The following PCDH9 variants were observed in gnomAD, a reference collection of about 807,000 sequenced individuals.
PCDH9 encodes protocadherin 9, also known as protocadherin-9.
PCDH9 carries 24 observed loss-of-function variants against 70.6 expected under a neutral mutation model. The ratio of observed to expected loss-of-function variants is 0.34; its 90% confidence interval spans 0.25 to 0.48. The LOEUF (loss-of-function observed/expected upper bound fraction) is 0.48, where lower values mean the gene tolerates loss of function less well. Among genes scored for constraint, PCDH9 ranks in the 20% least tolerant of loss-of-function variants. PCDH9 has a pLI of 0.99. For synonymous variants in PCDH9, 562 were observed against 558.5 expected, an observed-to-expected ratio of 1.01 and a Z score of -0.09; for missense variants, 1,281 against 1,503.6, an observed-to-expected ratio of 0.85 and a Z score of 2.45.
chr13:66,650,918 T>C (rs1404793961), intron 3 of PCDH9, among the ~76,000 whole-genome samples: 1 of 151,904 alleles, frequency 6.6e-6, no homozygotes, highest in Non-Finnish European at 1.5e-5. Context: ...AATTAAATAA[T>C]ACATGCCTGA....
chr13:66,643,209 A>G (rs1227424320), intron 3 of PCDH9, among the ~76,000 whole-genome samples: 2 of 152,106 alleles, frequency 1.3e-5, no homozygotes, highest in East Asian at 1.9e-4. Context: ...ATATGTTTTA[A>G]GCCTCTCTTG....
At chr13:67,040,529 C>T (rs1241666265) in intron 2 of PCDH9, among the ~76,000 whole-genome samples, 1 of 152,102 alleles carries the variant, frequency 6.6e-6, no homozygotes, top group Non-Finnish European at 1.5e-5. Context: ...TAATCTAAAA[C>T]CTGCAAGAGG....
At chr13:66,806,017 A>T (rs563823140) in intron 3 of PCDH9, among the ~76,000 whole-genome samples, 2 of 148,520 alleles carry the variant, frequency 1.3e-5, no homozygotes, top group African/African-American at 5.3e-5. Flanking sequence ...CATGACTTTT[A>T]TGCACACAAA....
chr13:66,954,405 G>T (rs755509937), intron 2 of PCDH9, among the ~76,000 whole-genome samples: 16 of 151,476 alleles, frequency 1.1e-4, no homozygotes, highest in Non-Finnish European at 2.2e-4. Flanking sequence ...AGTGATTTCA[G>T]ATTTAACCTG....
intron 4 of PCDH9, among the ~76,000 whole-genome samples, chr13:66,316,095 T>C (rs764953224): frequency 2.0e-5 from 3 of 152,140 alleles, no homozygotes; most frequent in Non-Finnish European, 2.9e-5. Flanking sequence ...CTCCTCCCTC[T>C]ATCTTCAAAA....
At chr13:67,002,081 T>C (rs998180529) in intron 2 of PCDH9, 10 of 152,330 alleles carry the variant, frequency 6.6e-5, no homozygotes, top group African/African-American at 2.2e-4. Flanking sequence ...GATTCTCTTG[T>C]AGAATGTCTT....
chr13:66,719,166 A>G (rs2078909309), intron 3 of PCDH9, among the ~76,000 whole-genome samples: 1 of 152,224 alleles, frequency 6.6e-6, no homozygotes, highest in Non-Finnish European at 1.5e-5. Context: ...AGATAGCCGT[A>G]GCTGGGCTTT....
chr13:66,327,133 C>A (rs1489895945), intron 4 of PCDH9, among the ~76,000 whole-genome samples: 1 of 152,110 alleles, frequency 6.6e-6, no homozygotes, highest in Non-Finnish European at 1.5e-5. Flanking sequence ...AGTAAATACA[C>A]CAAGTCACAT....
chr13:66,454,998 A>G (rs916984729), intron 4 of PCDH9, among the ~76,000 whole-genome samples: 12 of 152,224 alleles, frequency 7.9e-5, no homozygotes, highest in African/African-American at 2.6e-4. Flanking sequence ...TTTTATAAAA[A>G]AAATTACTTG....
In PCDH9 at chr13:66,429,430, G is replaced by GTTTTT. The variant is rs5804281; in HGVS notation, c.3341-124407_3341-124403dup. ...CTTTTATAGATTTGTTATTTTTTCTGTTTTTTTTTTTTAATATTTTGCACC... is the reference window on the plus strand; with the variant it reads ...CTTTTATAGATTTGTTATTTTTTCTGTTTTTTTTTTTTTTTTTAATATTTTGCACC... On this transcript the variant is annotated intron_variant, in intron 4 of 4. Coordinates refer to ENST00000377865, the MANE Select transcript of PCDH9 (RefSeq NM_203487.3). 5.7e-3 allele frequency among the ~76,000 whole-genome samples: 832 copies of GTTTTT among 144,968 alleles called. 6 individuals are homozygous for GTTTTT. Among genetic ancestry groups the GTTTTT allele is most frequent in the African/African-American group, 8.8e-3 (353 of 39,930 alleles).
chr13:66,751,976 G>T (rs927248899), intron 3 of PCDH9, among the ~76,000 whole-genome samples: 69 of 152,278 alleles, frequency 4.5e-4, no homozygotes, highest in African/African-American at 1.6e-3. Flanking sequence ...GAAAAGCATG[G>T]TTTTTTTAAA....
chr13:66,999,471 GA>G (rs1242836903), intron 2 of PCDH9, among the ~76,000 whole-genome samples: 2 of 151,966 alleles, frequency 1.3e-5, no homozygotes, highest in African/African-American at 4.8e-5. Context: ...AACTGTTTAA[GA>G]AAAAAGTTTT....
intron 3 of PCDH9, among the ~76,000 whole-genome samples, chr13:66,830,705 T>C (rs1171587817): frequency 6.6e-6 from 1 of 152,156 alleles, no homozygotes; most frequent in Non-Finnish European, 1.5e-5. Flanking sequence ...AATTTAACCA[T>C]GGCCAACAAA....
chr13:66,526,918 G>T (rs997040142), intron 4 of PCDH9, among the ~76,000 whole-genome samples: 1 of 152,146 alleles, frequency 6.6e-6, no homozygotes, highest in Non-Finnish European at 1.5e-5. Context: ...CATATCATTG[G>T]ATTTGCACTA....
At chr13:66,605,009 A>G (rs1593764906) in intron 4 of PCDH9, among the ~76,000 whole-genome samples, 1 of 152,130 alleles carries the variant, frequency 6.6e-6, no homozygotes, top group South Asian at 2.1e-4. Context: ...GTGAGACATC[A>G]GAATCATTGA....
chr13:66,503,137 A>T (rs1959185698), intron 4 of PCDH9, among the ~76,000 whole-genome samples: 1 of 152,208 alleles, frequency 6.6e-6, no homozygotes, highest in African/African-American at 2.4e-5. Flanking sequence ...ATTATCTACA[A>T]TGTGTAATTA....
intron 3 of PCDH9, among the ~76,000 whole-genome samples, chr13:66,762,853 C>A (rs1458789754): frequency 2.0e-5 from 3 of 151,864 alleles, no homozygotes; most frequent in Non-Finnish European, 4.4e-5. Flanking sequence ...CATTAAGATA[C>A]AAGTCTCAGA....
At chr13:66,755,186 A>G (rs762998579) in intron 3 of PCDH9, among the ~76,000 whole-genome samples, 1 of 148,844 alleles carries the variant, frequency 6.7e-6, no homozygotes, top group Non-Finnish European at 1.5e-5. Flanking sequence ...TATTCATTAT[A>G]ATCATGGGAA....
chr13:66,679,314 A>C (rs541301811), intron 3 of PCDH9, among the ~76,000 whole-genome samples: 4 of 151,918 alleles, frequency 2.6e-5, no homozygotes, highest in African/African-American at 9.6e-5. Context: ...TAATACCTAC[A>C]TTATTATAAT....
Sources: allele counts gnomAD v4.1 joint callset (sites outside exome capture counted in the v4.1 genomes callset), GRCh38; gene constraint gnomAD v4.1.1; transcripts MANE v1.5; gene names NCBI Gene and HGNC (gene_info 2026-07-23, HGNC 2026-07-21).